DBF4B: variants seen among roughly 807,000 people sequenced by gnomAD.
The protein encoded by DBF4B is DBF4B-CDC7 kinase regulatory subunit, also known as protein DBF4 homolog B.
A neutral mutation model predicts 53.4 loss-of-function variants in DBF4B; 49 were observed. The observed-to-expected ratio is 0.92, with a 90% confidence interval of 0.73 to 1.16. DBF4B has a LOEUF of 1.16. Ranked by LOEUF, DBF4B falls within the 50% of genes most tolerant of loss-of-function variation. DBF4B has a pLI of 0.00. For synonymous variants in DBF4B, 257 were observed against 288.7 expected, an observed-to-expected ratio of 0.89 and a Z score of 1.11; for missense variants, 692 against 775.0, an observed-to-expected ratio of 0.89 and a Z score of 1.27.
At chr17:44,724,569 C>T (rs909827145) in intron 3 of DBF4B, among the ~76,000 whole-genome samples, 4 of 152,206 alleles carry the variant, frequency 2.6e-5, no homozygotes, top group East Asian at 1.9e-4. Flanking sequence ...TTAGTAGAGA[C>T]GAGGTTTCAC....
chr17:44,716,211 T>A (rs1973328016), intron 2 of DBF4B, among the ~76,000 whole-genome samples: 1 of 152,104 alleles, frequency 6.6e-6, no homozygotes, highest in Admixed American at 6.6e-5. Context: ...GAAGGGGTTG[T>A]CAACTTGATA....
Position 44,747,405 on chromosome 17 carries a change from C to T in DBF4B, c.954C>T (p.Ala318=). Residue 318 remains alanine (A), a synonymous_variant, in exon 12 of 14, where the codon GCC becomes GCT. Transcript: ENST00000315005. ...FEELHVHLQS[A]QHRSFALEAH... ...CCCGCCGGCAGCATCTTCAGAGTGC[C>T]CAGCACCGGAGCTTTGCCCTGGAAG... The T allele has an allele frequency of 6.2e-7, 1 of 1,614,124 alleles. No homozygotes were observed. The highest frequency in any genetic ancestry group is 8.5e-7 in the Non-Finnish European group (1 of 1,180,040).
intron 10 of DBF4B, among the ~76,000 whole-genome samples, chr17:44,744,081 A>ACCCCCCCCCCCCCC (rs71361595): frequency 1.1e-4 from 1 of 8,702 alleles, no homozygotes. Flanking sequence ...TAATGAGACC[A>ACCCCCCCCCCCCCC]CCCCCCCCCC....
chr17:44,751,670 T>C lies in DBF4B; in HGVS notation c.*417T>C. 1 of 1,400,142 alleles carries C rather than the reference T, an allele frequency of 7.1e-7. No homozygotes were observed. Among genetic ancestry groups the C allele is most frequent in the Non-Finnish European group, 9.3e-7 (1 of 1,079,046 alleles). 86.7% of individuals were successfully genotyped at this position (1,400,142 alleles called of 1,614,324 possible). A position where few individuals can be genotyped will look rare whatever the true frequency, so the allele number is the denominator to read the frequency against. On this transcript the variant is annotated 3_prime_UTR_variant, in exon 14 of 14. Transcript: ENST00000315005. ...TTGAAGGCTCCCACCTTCTGTTCTC[T>C]GGCTCCTTCCTGCGGTCTATACCTA...
Position 44,736,242 on chromosome 17 carries a change from C to G in DBF4B, c.631-588C>G, listed in dbSNP as rs991712605. Among the ~76,000 whole-genome samples, 8 of 152,052 alleles carry G rather than the reference C, an allele frequency of 5.3e-5. 1 individual carries two copies. The East Asian group carries it at 1.5e-3, about 29-fold the overall frequency. ...CAAGCAATCCACCTGCCTCGGCCTA[C>G]CAAAATGTTGAAATTACAGACGTGA... On this transcript the variant is annotated intron_variant, in intron 7 of 13. Transcript: ENST00000315005.
intron 7 of DBF4B, among the ~76,000 whole-genome samples, chr17:44,735,645 G>C (rs1405160240): frequency 6.6e-6 from 1 of 152,112 alleles, no homozygotes; most frequent in Admixed American, 6.6e-5. Context: ...TCCAGCCTGG[G>C]CAACAGAGTG....
In DBF4B at chr17:44,715,812, C is replaced by CTTTTTTTTTTTT. The variant is rs869200833; in HGVS notation, c.82+6463_82+6474dup. 3.0e-3 allele frequency among the ~76,000 whole-genome samples: 166 copies of CTTTTTTTTTTTT among 55,558 alleles called. 5 individuals are homozygous for CTTTTTTTTTTTT. The highest frequency in any genetic ancestry group is 3.9e-3 in the Non-Finnish European group (119 of 30,680). 36.4% of individuals were successfully genotyped at this position (55,558 alleles called of 152,430 possible). A position where few individuals can be genotyped will look rare whatever the true frequency, so the allele number is the denominator to read the frequency against. On this transcript the variant is annotated intron_variant, in intron 2 of 13. Transcript: ENST00000315005. ...GTTAGCCTAATTTCTTTCTTTCTTT[C>CTTTTTTTTTTTT]TTTTTTTTTTTTTTTTTTTTTTTTT... is the stretch of plus-strand genomic sequence containing the variant.
At chr17:44,727,075 G>A (rs1451314970) in intron 3 of DBF4B, among the ~76,000 whole-genome samples, 1 of 140,286 alleles carries the variant, frequency 7.1e-6, no homozygotes. Flanking sequence ...CTCCAGCCTG[G>A]GCAACAAAGC....
At chr17:44,745,003 G>C (rs146232757) in intron 10 of DBF4B, among the ~76,000 whole-genome samples, 219 of 151,486 alleles carry the variant, frequency 1.4e-3, no homozygotes, top group African/African-American at 4.9e-3. Flanking sequence ...CTTTTCTCTG[G>C]TCACTGCAAC....
Position 44,749,591 on chromosome 17 carries a change from C to T in DBF4B, c.1190-1004C>T. 8.4e-7 allele frequency: 1 copy of T among 1,193,898 alleles called. No individual in the cohort carries two copies. Among genetic ancestry groups the T allele is most frequent in the South Asian group, 1.5e-5 (1 of 65,610 alleles). 74.0% of individuals were successfully genotyped at this position (1,193,898 alleles called of 1,614,324 possible). ...GAGAGAATCTGGGCTGGGGGCTGCC[C>T]TCTCCTACCCCTGCCTCCTGCCATG... On this transcript the variant is annotated intron_variant, in intron 13 of 13. Coordinates refer to ENST00000315005, the MANE Select transcript of DBF4B (RefSeq NM_145663.3). This position sits in a 1 kb window ranked among gnomAD's most constrained non-coding sequence, Gnocchi z 4.4.
At chr17:44,746,124 C>T (rs572398357) in intron 10 of DBF4B, among the ~76,000 whole-genome samples, 64 of 147,678 alleles carry the variant, frequency 4.3e-4, no homozygotes, top group African/African-American at 1.6e-3. Context: ...CCCAGCTATT[C>T]GGGAGGCTGA....
Position 44,747,584 on chromosome 17 carries a change from C to A in DBF4B, c.1064+69C>A, listed in dbSNP as rs548627153. 1.4e-4 allele frequency: 221 copies of A among 1,580,516 alleles called. 3 individuals are homozygous for A. The South Asian group carries it at 2.5e-3, about 18-fold the overall frequency. ...CTGTTGCCCTCTGGGTGGGAAGAGA[C>A]CCTCAGGTTGGTGGCTGCTGGGACC... On this transcript the variant is annotated intron_variant, in intron 12 of 13. Coordinates refer to ENST00000315005, the MANE Select transcript of DBF4B (RefSeq NM_145663.3).
chr17:44,709,899 C>T (rs1204946787), intron 2 of DBF4B, among the ~76,000 whole-genome samples: 1 of 151,528 alleles, frequency 6.6e-6, no homozygotes, highest in Admixed American at 6.6e-5. Flanking sequence ...GTTGGCCGGG[C>T]GCGGCTGCTC....
rs768639847 is a variant in DBF4B at position 44,729,949 on chromosome 17, C to T, written c.270C>T (p.Ser90=). 4.3e-6 allele frequency: 7 copies of T among 1,613,910 alleles called. No homozygotes were observed. In the African/African-American group the frequency reaches 9.4e-5, roughly 22 times the overall value. ...FLSKEVSYIV[S]SRREVKAESS... is the part of the protein sequence containing the mutation. ...GCAAAGAAGTAAGTTACATCGTGTC[C>T]AGCCGCAGAGAAGTAAAGGCAGAGA... is the stretch of plus-strand genomic sequence containing the variant. The change falls in exon 4 of 14, where the codon TCC becomes TCT. Residue 90 remains serine, a synonymous_variant. Coordinates refer to ENST00000315005, the MANE Select transcript of DBF4B (RefSeq NM_145663.3).
chr17:44,722,625 T>C (rs181101715), intron 2 of DBF4B, among the ~76,000 whole-genome samples: 3 of 152,364 alleles, frequency 2.0e-5, no homozygotes, highest in Admixed American at 6.5e-5. Context: ...CTTAAATGGC[T>C]TCCCTAGATT....
rs35497738 is a variant in DBF4B at position 44,720,864 on chromosome 17, C to CTT, written c.83-2003_83-2002dup. The stretch of plus-strand genomic sequence containing the variant: ...CTCACCAACACTTGCTATTATCTGG[C>CTT]TTTTTTTTTTTTTTAAGTCAATCTC... On this transcript the variant is annotated intron_variant, in intron 2 of 13. Transcript: ENST00000315005. 1.4e-3 allele frequency among the ~76,000 whole-genome samples: 204 copies of CTT among 141,770 alleles called. 1 individual carries two copies. The highest frequency in any genetic ancestry group is 5.1e-3 in the African/African-American group (200 of 38,976). 93.0% of individuals were successfully genotyped at this position (141,770 alleles called of 152,430 possible).
rs1442442433 is a variant in DBF4B at position 44,748,436 on chromosome 17, T to TA, written c.1162dup (p.Arg388LysfsTer104). ...CATCCCAGGGCAGCATCTCCCAGGA[T>TA]AAGGAAAGAAGACAGCTGCCAGGCA... On this transcript the variant is annotated frameshift_variant, in exon 13 of 14. Transcript: ENST00000315005. LOFTEE classifies it low-confidence loss of function (END_TRUNC). The TA allele has an allele frequency of 8.7e-6, 14 of 1,613,880 alleles. No homozygotes were observed. Among genetic ancestry groups the TA allele is most frequent in the Non-Finnish European group, 1.1e-5 (13 of 1,179,956 alleles).
At chr17:44,748,992 G>T (rs907560065) in intron 13 of DBF4B, 1 of 1,289,668 alleles carries the variant, frequency 7.8e-7, no homozygotes, top group Non-Finnish European at 1.0e-6. Flanking sequence ...GGAAAGGGTG[G>T]CCCCCAGGGC....
At chr17:44,729,624 G>T (rs935436850) in intron 3 of DBF4B, among the ~76,000 whole-genome samples, 2 of 151,138 alleles carry the variant, frequency 1.3e-5, no homozygotes, top group African/African-American at 4.9e-5. Flanking sequence ...CTCAAAGCCC[G>T]CAGCCTTCTG....
Sources: gnomAD v4.1 joint callset for allele counts (sites outside exome capture counted in the v4.1 genomes callset) on GRCh38, gnomAD v4.1.1 for gene constraint, Gnocchi (gnomAD v3.1) non-coding constraint, MANE v1.5 for transcripts, NCBI Gene and HGNC (gene_info 2026-07-23, HGNC 2026-07-21) for gene names.